MYH4: variants seen among roughly 807,000 people sequenced by gnomAD.
MYH4 encodes myosin heavy chain 4.
Under a neutral mutation model 229.9 loss-of-function variants are expected in MYH4, and 200 were observed. The observed-to-expected ratio is 0.87, with a 90% confidence interval of 0.78 to 0.98. MYH4 has a LOEUF of 0.98. MYH4 is among the 50% of genes least tolerant of loss of function. The pLI is 0.00. For missense variants in MYH4, 2,148 were observed against 2,332.6 expected (o/e 0.92, Z 1.63); for synonymous variants, 761 against 834.6 (o/e 0.91, Z 1.52).
chr17:10,454,964 C>T lies in MYH4; in HGVS notation c.2412G>A (p.Glu804=). The T allele has an allele frequency of 6.2e-7, 1 of 1,614,208 alleles. No individual in the cohort carries two copies. Among genetic ancestry groups the T allele is most frequent in the Non-Finnish European group, 8.5e-7 (1 of 1,180,038 alleles). The part of the protein sequence containing the change: ...AICRGFLMRV[E]FRKMMERRES... ...ACCTCCTCTCCATCATCTTTCTGAA[C>T]TCCACTCTCATCAGGAACCCTCTGC... Residue 804 remains glutamate (E), a synonymous_variant, in exon 21 of 40, where the codon GAG becomes GAA. Transcript: ENST00000255381.
chr17:10,465,441 C>A lies in MYH4; in HGVS notation c.505+1G>T, dbSNP rs1400735048. 1 of 1,613,524 alleles carries A rather than the reference C, an allele frequency of 6.2e-7. No homozygotes were observed. On this transcript the variant is annotated splice_donor_variant, in intron 5 of 39. Coordinates refer to ENST00000255381, the MANE Select transcript of MYH4 (RefSeq NM_017533.2). LOFTEE classifies it high-confidence loss of function. ...CTATGGAAATTGTAATTCTCACTCACCAGTTAGCATGAACTGATAGGCATT... is the reference window on the plus strand; with the variant it reads ...CTATGGAAATTGTAATTCTCACTCAACAGTTAGCATGAACTGATAGGCATT...
intron 3 of MYH4, 48 bp downstream of exon 3, chr17:10,466,484 CACCTAAATTA>C: frequency 6.2e-7 from 1 of 1,612,880 alleles, no homozygotes; most frequent in Non-Finnish European, 8.5e-7. Context: ...AAAAAAATAT[CACCTAAATTA>C]ACCCAAAATG....
In MYH4 at chr17:10,452,112, G is replaced by A. The variant is rs766642650; in HGVS notation, c.3567C>T (p.His1189=). Residue 1189 remains histidine (H), a synonymous_variant, in exon 27 of 40, where the codon CAC becomes CAT. Coordinates refer to ENST00000255381, the MANE Select transcript of MYH4 (RefSeq NM_017533.2). The part of the protein sequence containing the change: ...RRDLEESTLQ[H]EATAAALRKK... ...TCCGAAGAGCAGCTGCCGTGGCTTC[G>A]TGCTGCAGGGTGGACTCTTCCAGGT... The A allele has an allele frequency of 1.2e-5, 20 of 1,614,020 alleles. No homozygotes were observed. The highest frequency in any genetic ancestry group is 5.5e-5 in the South Asian group (5 of 91,072).
At position 10,465,437 on chromosome 17, in the gene MYH4, C is replaced by T. The variant is rs761286577; in HGVS notation, c.505+5G>A. On this transcript the variant is annotated splice_donor_5th_base_variant and intron_variant, in intron 5 of 39. Coordinates refer to ENST00000255381, the MANE Select transcript of MYH4 (RefSeq NM_017533.2). Reference sequence around the variant, plus strand: ...ATGGCTATGGAAATTGTAATTCTCACTCACCAGTTAGCATGAACTGATAGG... The same window carrying T: ...ATGGCTATGGAAATTGTAATTCTCATTCACCAGTTAGCATGAACTGATAGG... 1 of 1,613,402 alleles carries T rather than the reference C, an allele frequency of 6.2e-7. No individual in the cohort carries two copies. Among genetic ancestry groups the T allele is most frequent in the East Asian group, 2.2e-5 (1 of 44,880 alleles).
rs1056586335 is a variant in MYH4 at position 10,443,991 on chromosome 17, C to T, written c.5668-464G>A. Among the ~76,000 whole-genome samples, 3 of 151,998 alleles carry T rather than the reference C, an allele frequency of 2.0e-5. No individual in the cohort carries two copies. The highest frequency in any genetic ancestry group is 7.2e-5 in the African/African-American group (3 of 41,396). ...TTGAGAGCAAGGCATCCCACAAACT[C>T]GCCTATGTAAATGAATGTGCTTATG... On this transcript the variant is annotated intron_variant, in intron 39 of 39. Coordinates refer to ENST00000255381, the MANE Select transcript of MYH4 (RefSeq NM_017533.2). This position sits in a 1 kb window ranked among gnomAD's most constrained non-coding sequence, Gnocchi z 4.6.
intron 15 of MYH4, among the ~76,000 whole-genome samples, chr17:10,459,028 G>T: frequency 6.6e-6 from 1 of 152,174 alleles, no homozygotes; most frequent in Non-Finnish European, 1.5e-5. Flanking sequence ...GTTTTTAGAG[G>T]GATAAATGCG....
At chr17:10,463,259 C>T in intron 9 of MYH4, 71 bp from the exon 10 acceptor site, 1 of 1,552,460 alleles carries the variant, frequency 6.4e-7, no homozygotes, top group African/African-American at 1.4e-5. Context: ...AAATTTCACA[C>T]AACAGAAATA....
chr17:10,462,824 A>C (rs1235780382), intron 11 of MYH4, 41 bp downstream of exon 11: 3 of 1,516,048 alleles, frequency 2.0e-6, no homozygotes, highest in Non-Finnish European at 2.7e-6. Flanking sequence ...TGTACACTGG[A>C]AAATGAATTT....
chr17:10,462,088 G>A (rs1014869174), intron 11 of MYH4, among the ~76,000 whole-genome samples: 23 of 152,076 alleles, frequency 1.5e-4, no homozygotes, highest in African/African-American at 5.3e-4. Context: ...ATGAATTATT[G>A]ACTTCTTGAA....
In MYH4 at chr17:10,448,982, G is replaced by C. The variant is rs566584449; in HGVS notation, c.4247C>G (p.Ala1416Gly). Residue 1416 changes from alanine (A) to glycine (G), a missense_variant, in exon 31 of 40, where the codon GCT becomes GGT. By Grantham distance (60) the Ala-to-Gly change is moderately conservative (BLOSUM62 0). Coordinates refer to ENST00000255381, the MANE Select transcript of MYH4 (RefSeq NM_017533.2). The part of the protein sequence containing the change: ...EHVEAVNSKC[A>G]SLEKTKQRLQ... ...CCTCTGCTTTGTCTTTTCAAGAGAA[G>C]CACATTTGGAATTCACAGCTTCTAC... is the stretch of plus-strand genomic sequence containing the variant. 587 of 1,614,082 alleles carry C rather than the reference G, an allele frequency of 3.6e-4. 4 individuals carry two copies. The South Asian group carries it at 6.0e-3, about 17-fold the overall frequency.
At position 10,455,707 on chromosome 17, in the gene MYH4, A is replaced by C. The variant is rs2072631429; in HGVS notation, c.2081T>G (p.Leu694Arg). 1.2e-6 allele frequency: 2 copies of C among 1,614,178 alleles called. No individual in the cohort carries two copies. Among genetic ancestry groups the C allele is most frequent in the East Asian group, 4.5e-5 (2 of 44,874 alleles). Residue 694 changes from leucine to arginine, a missense_variant, in exon 19 of 40, where the codon CTG becomes CGG. By Grantham distance (102) the Leu-to-Arg change is moderately radical (BLOSUM62 -2). Transcript: ENST00000255381. ...CACACCGTTACACCTCAGCTGATGC[A>C]GGACAAGCTCATGCTCCATGGCACC... ...TPGAMEHELV[L>R]HQLRCNGVLE...
chr17:10,450,266 C>T (rs968822186), intron 30 of MYH4, among the ~76,000 whole-genome samples, 187 bp downstream of exon 30: 2 of 152,110 alleles, frequency 1.3e-5, no homozygotes, highest in Admixed American at 1.3e-4. Flanking sequence ...GATCTGGTCT[C>T]ATTCCATTCT....
chr17:10,462,739 A>T (rs1431456928), intron 11 of MYH4, 126 bp downstream of exon 11: 3 of 702,526 alleles, frequency 4.3e-6, no homozygotes, highest in Non-Finnish European at 6.5e-6. Context: ...TTCCAAAAGT[A>T]AGAAAGCCCA....
chr17:10,448,849 G>A lies in MYH4; in HGVS notation c.4365+15C>T, dbSNP rs367969739. 39 of 1,613,576 alleles carry A rather than the reference G, an allele frequency of 2.4e-5. No individual in the cohort carries two copies. The highest frequency in any genetic ancestry group is 3.3e-4 in the Middle Eastern group (2 of 6,080). ...ATGTCAGTTTCCCCCAAGGGGAGCT[G>A]GTACTGTGGACCACCTTGTCAAAGT... On this transcript the variant is annotated intron_variant, in intron 31 of 39. Coordinates refer to ENST00000255381, the MANE Select transcript of MYH4 (RefSeq NM_017533.2).
chr17:10,466,786 T>C lies in MYH4; in HGVS notation c.-39-2A>G. The stretch of plus-strand genomic sequence containing the variant: ...ATGGCAGTACTGGACTAGGTATACC[T>C]AGAGGAAGAAACAGAGCCAAATGAT... On this transcript the variant is annotated splice_acceptor_variant, in intron 2 of 39. Transcript: ENST00000255381. LOFTEE classifies it low-confidence loss of function (5UTR_SPLICE). The C allele has an allele frequency of 6.2e-7, 1 of 1,605,396 alleles. No homozygotes were observed. The highest frequency in any genetic ancestry group is 8.5e-7 in the Non-Finnish European group (1 of 1,172,480).
At chr17:10,469,193 C>T (rs2072797215) in intron 2 of MYH4, 95 bp downstream of exon 2, 1 of 152,078 alleles carries the variant, frequency 6.6e-6, no homozygotes. Flanking sequence ...ATCCTATTCC[C>T]AATACTAAAC....
rs753792798 is a variant in MYH4, at chr17:10,459,425, C to T, written c.1417-4G>A. 12 of 1,614,116 alleles carry T rather than the reference C, an allele frequency of 7.4e-6. No homozygotes were observed. Among genetic ancestry groups the T allele is most frequent in the Non-Finnish European group, 1.0e-5 (12 of 1,180,010 alleles). On this transcript the variant is annotated splice_polypyrimidine_tract_variant and splice_region_variant and intron_variant, in intron 14 of 39. Transcript: ENST00000255381. ...ACAGCTGCTCCAGGCTGTTGAACTA[C>T]AGAACAAGATAAATATAGGAAATTA...
chr17:10,459,868 G>A, intron 14 of MYH4, 84 bp downstream of exon 14: 1 of 1,605,808 alleles, frequency 6.2e-7, no homozygotes, highest in Admixed American at 1.7e-5. Context: ...TGTATATTTT[G>A]TAAGGTACAT....
chr17:10,450,698 A>G (rs923215886), intron 29 of MYH4, 49 bp from the exon 30 acceptor site: 1 of 1,611,444 alleles, frequency 6.2e-7, no homozygotes, highest in Non-Finnish European at 8.5e-7. Flanking sequence ...CTGATCATTG[A>G]AATTCTCTAT....
Sources: gnomAD v4.1 joint callset for allele counts (sites outside exome capture counted in the v4.1 genomes callset) on GRCh38, gnomAD v4.1.1 for gene constraint, Gnocchi (gnomAD v3.1) non-coding constraint, MANE v1.5 for transcripts, NCBI Gene and HGNC (gene_info 2026-07-23, HGNC 2026-07-21) for gene names.